Variants in CCDC7 observed in about 807,000 individuals in gnomAD.
CCDC7 encodes the protein coiled-coil domain-containing protein 7.
CCDC7 carries 183 observed loss-of-function variants against 196.9 expected under a neutral mutation model. The ratio of observed to expected loss-of-function variants is 0.93; its 90% confidence interval spans 0.82 to 1.05. CCDC7 has a LOEUF of 1.05. Among genes scored for constraint, CCDC7 ranks in the 50% least tolerant of loss-of-function variants. The pLI is 0.00. For synonymous variants in CCDC7, 525 were observed against 484.6 expected, an observed-to-expected ratio of 1.08 and a Z score of -1.10; for missense variants, 1,540 against 1,482.2, an observed-to-expected ratio of 1.04 and a Z score of -0.64.
chr10:32,702,457 G>A (rs920584754), intron 24 of CCDC7, among the ~76,000 whole-genome samples: 2 of 152,138 alleles, frequency 1.3e-5, no homozygotes, highest in African/African-American at 2.4e-5. Context: ...GTCAATTTTC[G>A]AATAGGTGTG....
At chr10:32,482,894 A>G (rs1254048403) in intron 8 of CCDC7, among the ~76,000 whole-genome samples, 3 of 152,118 alleles carry the variant, frequency 2.0e-5, no homozygotes, top group Admixed American at 6.6e-5. Context: ...AATCCAGTCT[A>G]TCATTGTTGG....
chr10:32,726,676 A>G, intron 25 of CCDC7, 58 bp from the exon 27 acceptor site: 1 of 949,214 alleles, frequency 1.1e-6, no homozygotes, highest in Non-Finnish European at 1.6e-6. Flanking sequence ...ATTTCACAAT[A>G]GATTTGTTTT....
intron 16 of CCDC7, among the ~76,000 whole-genome samples, chr10:32,579,720 G>T (rs530534728): frequency 6.6e-6 from 1 of 152,010 alleles, no homozygotes; most frequent in Non-Finnish European, 1.5e-5. Flanking sequence ...ATGGTGTCCC[G>T]TAATTCCTTA....
At chr10:32,548,380 C>T (rs780095622) in intron 13 of CCDC7, among the ~76,000 whole-genome samples, 11 of 152,108 alleles carry the variant, frequency 7.2e-5, no homozygotes, top group Non-Finnish European at 1.2e-4. Context: ...CAGGGTGACT[C>T]AGGACGGAGC....
chr10:32,458,492 T>TC (rs1257809711), intron 3 of CCDC7, among the ~76,000 whole-genome samples: 1 of 143,890 alleles, frequency 6.9e-6, no homozygotes, highest in Non-Finnish European at 1.5e-5. Flanking sequence ...CTTTTTTTTT[T>TC]TTTTTTAAAG....
chr10:32,698,652 G>GA (rs202117262), intron 24 of CCDC7, among the ~76,000 whole-genome samples: 1 of 151,962 alleles, frequency 6.6e-6, no homozygotes, highest in South Asian at 2.1e-4. Context: ...GAAGTTTAGA[G>GA]AAAAAAGAGT....
chr10:32,574,787 C>G (rs2058003183), intron 16 of CCDC7, among the ~76,000 whole-genome samples: 1 of 152,126 alleles, frequency 6.6e-6, no homozygotes, highest in South Asian at 2.1e-4. Flanking sequence ...TAAATACTTT[C>G]ATTAGGACTT....
intron 21 of CCDC7, among the ~76,000 whole-genome samples, chr10:32,669,042 A>T (rs2073469684): frequency 6.6e-6 from 1 of 152,114 alleles, no homozygotes; most frequent in South Asian, 2.1e-4. Context: ...TGTTTGTTGT[A>T]TATGGCTTTT....
At chr10:32,501,008 C>G (rs2043932912) in intron 9 of CCDC7, among the ~76,000 whole-genome samples, 1 of 152,106 alleles carries the variant, frequency 6.6e-6, no homozygotes, top group Admixed American at 6.5e-5. Context: ...ACAGTCCAGC[C>G]TCCGCTCGGC....
intron 21 of CCDC7, among the ~76,000 whole-genome samples, chr10:32,677,172 A>C (rs935910246): frequency 2.2e-5 from 3 of 137,856 alleles, no homozygotes; most frequent in Non-Finnish European, 4.6e-5. Context: ...CAATGAGAAC[A>C]CATGGACACA....
intron 20 of CCDC7, among the ~76,000 whole-genome samples, chr10:32,656,957 A>G (rs2070040013): frequency 6.6e-6 from 1 of 152,230 alleles, no homozygotes; most frequent in Non-Finnish European, 1.5e-5. Flanking sequence ...CACAACAAAG[A>G]GGCTACATGC....
intron 41 of CCDC7, among the ~76,000 whole-genome samples, chr10:32,869,481 G>A (rs1270603557): frequency 6.6e-6 from 1 of 152,048 alleles, no homozygotes; most frequent in Non-Finnish European, 1.5e-5. Flanking sequence ...TGTCACATGA[G>A]TAGATTGCAA....
chr10:32,501,324 C>T (rs1332191624), intron 9 of CCDC7, among the ~76,000 whole-genome samples: 1 of 152,072 alleles, frequency 6.6e-6, no homozygotes, highest in Non-Finnish European at 1.5e-5. Flanking sequence ...TGGGTTAGAA[C>T]ATGCTCCTTT....
chr10:32,761,020 TGTAAC>T lies in CCDC7; in HGVS notation c.2906-17953_2906-17949del, dbSNP rs541634425. 3.2e-3 allele frequency among the ~76,000 whole-genome samples: 492 copies of T among 152,158 alleles called. 2 individuals are homozygous for T. The highest frequency in any genetic ancestry group is 0.011 in the African/African-American group (451 of 41,564). On this transcript the variant is annotated intron_variant, in intron 28 of 41. Transcript: ENST00000639629. Reference sequence around the variant, plus strand: ...AACTGGTATGGCAATATATTAATAATGTAACGTATGAATTCAGAAATGGAAGTAAT... The same window carrying T: ...AACTGGTATGGCAATATATTAATAATGTATGAATTCAGAAATGGAAGTAAT...
chr10:32,837,212 G>A (rs888960011), intron 33 of CCDC7, among the ~76,000 whole-genome samples: 21 of 151,670 alleles, frequency 1.4e-4, no homozygotes, highest in African/African-American at 3.6e-4. Flanking sequence ...TACAAAGAAC[G>A]CAAACAAATT....
intron 21 of CCDC7, among the ~76,000 whole-genome samples, chr10:32,669,587 C>T (rs1025582164): frequency 1.3e-5 from 2 of 152,012 alleles, no homozygotes; most frequent in South Asian, 2.1e-4. Context: ...TCATATTTCT[C>T]TTCTTCATGA....
intron 28 of CCDC7, among the ~76,000 whole-genome samples, chr10:32,767,376 A>T (rs1268721103): frequency 1.3e-5 from 2 of 152,170 alleles, no homozygotes; most frequent in Non-Finnish European, 2.9e-5. Flanking sequence ...GATATATTTC[A>T]GGGAGCCAAG....
chr10:32,845,398 C>A, intron 34 of CCDC7, 72 bp downstream of exon 35: 2 of 1,265,442 alleles, frequency 1.6e-6, no homozygotes, highest in Admixed American at 2.3e-5. Context: ...TAAGTATAGA[C>A]CTTTAATAAC....
chr10:32,526,656 C>A (rs796066281), intron 11 of CCDC7, among the ~76,000 whole-genome samples: 9 of 152,192 alleles, frequency 5.9e-5, no homozygotes, highest in African/African-American at 1.9e-4. Context: ...TCCTTCACTT[C>A]AAGGCAGCAT....
Sources: gnomAD v4.1 joint callset for allele counts (sites outside exome capture counted in the v4.1 genomes callset) on GRCh38, gnomAD v4.1.1 for gene constraint, MANE v1.5 for transcripts, NCBI Gene and HGNC (gene_info 2026-07-23, HGNC 2026-07-21) for gene names.